CSMD1: variants seen among roughly 807,000 people sequenced by gnomAD.
The protein encoded by CSMD1 is CUB and Sushi multiple domains 1, also known as CUB and sushi domain-containing protein 1.
CSMD1 carries 213 observed loss-of-function variants against 417.5 expected under a neutral mutation model. The ratio of observed to expected loss-of-function variants is 0.51; its 90% confidence interval spans 0.46 to 0.57. The LOEUF (loss-of-function observed/expected upper bound fraction) is 0.57. CSMD1 is among the 20% of genes least tolerant of loss of function. The pLI, the probability that CSMD1 is intolerant of heterozygous loss-of-function variation, is 0.00. For synonymous variants in CSMD1, 2,862 were observed against 1,736.8 expected (o/e 1.65, Z -16.11); for missense variants, 6,923 against 4,529.7 (o/e 1.53, Z -15.17).
intron 2 of CSMD1, among the ~76,000 whole-genome samples, chr8:4,435,436 G>A (rs528027634): frequency 1.4e-4 from 21 of 152,294 alleles, no homozygotes; most frequent in Non-Finnish European, 1.2e-4. Context: ...AGTTTGTCTA[G>A]TTTTGTTAAA....
At chr8:4,924,300 A>T (rs1806703060) in intron 1 of CSMD1, among the ~76,000 whole-genome samples, 1 of 152,250 alleles carries the variant, frequency 6.6e-6, no homozygotes. Flanking sequence ...TTTTCATCCC[A>T]GTATCCTAAT....
At chr8:4,480,986 A>G (rs574162718) in intron 2 of CSMD1, among the ~76,000 whole-genome samples, 62 of 152,286 alleles carry the variant, frequency 4.1e-4, no homozygotes, top group African/African-American at 1.5e-3. Flanking sequence ...TGGTGCAGTG[A>G]TTTTTGAAAC....
At chr8:4,171,285 A>C (rs753504191) in intron 3 of CSMD1, among the ~76,000 whole-genome samples, 1 of 151,904 alleles carries the variant, frequency 6.6e-6, no homozygotes, top group Non-Finnish European at 1.5e-5. Flanking sequence ...CCTGGCATTT[A>C]TTGTAAGCAA....
chr8:4,384,803 G>T (rs370581957), intron 3 of CSMD1, among the ~76,000 whole-genome samples: 81 of 152,276 alleles, frequency 5.3e-4, no homozygotes, highest in East Asian at 4.1e-3. Flanking sequence ...CAGTCCTACA[G>T]AACATCAAAA....
chr8:4,004,692 G>A (rs1329567637), intron 4 of CSMD1, among the ~76,000 whole-genome samples: 2 of 151,986 alleles, frequency 1.3e-5, no homozygotes, highest in Non-Finnish European at 2.9e-5. Context: ...CAGCTGGTTA[G>A]GTTACAAAGT....
At chr8:3,717,464 A>G (rs938222214) in intron 6 of CSMD1, among the ~76,000 whole-genome samples, 1 of 152,146 alleles carries the variant, frequency 6.6e-6, no homozygotes, top group Non-Finnish European at 1.5e-5. Flanking sequence ...AATATTCATG[A>G]AGATATTGTT....
intron 5 of CSMD1, among the ~76,000 whole-genome samples, chr8:3,943,410 GTTTT>G (rs796811228): frequency 1.0e-5 from 1 of 96,978 alleles, no homozygotes; most frequent in African/African-American, 4.0e-5. Flanking sequence ...CTTATAAGTT[GTTTT>G]TTTTTCATTA....
chr8:4,241,408 C>T (rs1378081044), intron 3 of CSMD1, among the ~76,000 whole-genome samples: 8 of 152,304 alleles, frequency 5.3e-5, no homozygotes, highest in African/African-American at 1.2e-4. Context: ...CTTGCTAACC[C>T]CATGTTAAAC....
At chr8:4,806,664 G>A (rs1798604975) in intron 1 of CSMD1, among the ~76,000 whole-genome samples, 1 of 152,196 alleles carries the variant, frequency 6.6e-6, no homozygotes, top group South Asian at 2.1e-4. Flanking sequence ...AAGAAAAGAA[G>A]CATTTGAACC....
At chr8:4,406,504 G>A (rs947010665) in intron 3 of CSMD1, among the ~76,000 whole-genome samples, 1 of 152,176 alleles carries the variant, frequency 6.6e-6, no homozygotes, top group African/African-American at 2.4e-5. Context: ...CAAGGAATTT[G>A]ACTAGTTGAT....
chr8:4,453,896 A>C (rs1198288347), intron 2 of CSMD1, among the ~76,000 whole-genome samples: 2 of 129,126 alleles, frequency 1.5e-5, no homozygotes, highest in African/African-American at 5.9e-5. Flanking sequence ...ACCTCGGCTC[A>C]CTGCCAGCTC....
intron 26 of CSMD1, among the ~76,000 whole-genome samples, chr8:3,265,859 G>C (rs2117117857): frequency 6.6e-6 from 1 of 152,064 alleles, no homozygotes; most frequent in East Asian, 2.0e-4. Context: ...GCTCAGGTGG[G>C]GAAGAGAAAA....
chr8:4,955,565 C>A (rs552962004), intron 1 of CSMD1, among the ~76,000 whole-genome samples: 3 of 152,158 alleles, frequency 2.0e-5, no homozygotes, highest in African/African-American at 7.2e-5. Flanking sequence ...AAGAGACTCT[C>A]CTGCCTCAGC....
intron 50 of CSMD1, among the ~76,000 whole-genome samples, chr8:3,046,938 G>T (rs949934630): frequency 7.2e-5 from 11 of 152,180 alleles, no homozygotes; most frequent in African/African-American, 2.7e-4. Context: ...GCCGCTCTGG[G>T]CCAGGCGCAG....
chr8:4,648,148 G>A (rs908579880), intron 1 of CSMD1, among the ~76,000 whole-genome samples: 9 of 152,142 alleles, frequency 5.9e-5, no homozygotes, highest in Admixed American at 1.3e-4. Flanking sequence ...GTTTTGATTT[G>A]CGTTTCTCTG....
At chr8:4,483,171 C>T (rs1280722337) in intron 2 of CSMD1, among the ~76,000 whole-genome samples, 12 of 152,120 alleles carry the variant, frequency 7.9e-5, no homozygotes, top group East Asian at 1.9e-4. Context: ...AAGGGGTAAT[C>T]CATTTCACTT....
chr8:3,987,872 CTGTT>C (rs1418148613), intron 5 of CSMD1, among the ~76,000 whole-genome samples: 1 of 152,188 alleles, frequency 6.6e-6, no homozygotes, highest in Non-Finnish European at 1.5e-5. Context: ...AGGGTCCAAT[CTGTT>C]TGGCACATTG....
intron 1 of CSMD1, among the ~76,000 whole-genome samples, chr8:4,945,471 G>C (rs1351505899): frequency 6.6e-6 from 1 of 150,752 alleles, no homozygotes; most frequent in African/African-American, 2.5e-5. Context: ...GAGGTGGGCG[G>C]ATTACTTGAG....
intron 5 of CSMD1, among the ~76,000 whole-genome samples, chr8:3,818,022 C>G (rs183624689): frequency 2.0e-5 from 3 of 152,146 alleles, no homozygotes; most frequent in Non-Finnish European, 4.4e-5. Context: ...TTAAAACCTT[C>G]CAACCCCAAA....
Sources: allele counts gnomAD v4.1 joint callset (sites outside exome capture counted in the v4.1 genomes callset), GRCh38; gene constraint gnomAD v4.1.1; transcripts MANE v1.5; gene names NCBI Gene and HGNC (gene_info 2026-07-23, HGNC 2026-07-21).